Variants in RGS7 observed in about 807,000 individuals in gnomAD.
RGS7 encodes the protein regulator of G-protein signaling 7.
In RGS7, 27 loss-of-function variants were observed where a neutral mutation model predicts 81.1. The observed-to-expected ratio is 0.33, with a 90% CI of 0.25 to 0.46. RGS7 has a LOEUF of 0.46. Ranked by LOEUF, RGS7 falls within the 20% of genes least tolerant of loss-of-function variation. The pLI, the probability that RGS7 is intolerant of heterozygous loss-of-function variation, is 1.00. For synonymous variants in RGS7, 208 were observed against 207.7 expected, an observed-to-expected ratio of 1.00 and a Z score of -0.01; for missense variants, 396 against 607.4, an observed-to-expected ratio of 0.65 and a Z score of 3.66.
intron 2 of RGS7, among the ~76,000 whole-genome samples, chr1:241,104,932 T>C (rs993799290): frequency 3.3e-5 from 5 of 152,196 alleles, no homozygotes; most frequent in African/African-American, 4.8e-5. Context: ...TTAAGGCATA[T>C]GTTTGCATTT....
intron 2 of RGS7, among the ~76,000 whole-genome samples, chr1:241,249,332 T>C (rs900695295): frequency 6.6e-6 from 1 of 151,988 alleles, no homozygotes; most frequent in Non-Finnish European, 1.5e-5. Context: ...CATTTGACTA[T>C]ACCTAATTTA....
At chr1:240,902,453 C>G (rs1342080907) in intron 6 of RGS7, among the ~76,000 whole-genome samples, 1 of 152,016 alleles carries the variant, frequency 6.6e-6, no homozygotes, top group East Asian at 1.9e-4. Flanking sequence ...TTCTTTGCAC[C>G]TTTAACAGGG....
At chr1:241,044,110 T>C (rs1181774278) in intron 3 of RGS7, among the ~76,000 whole-genome samples, 2 of 126,314 alleles carry the variant, frequency 1.6e-5, no homozygotes, top group East Asian at 4.0e-4. Flanking sequence ...TTTGTTTTTT[T>C]TGTTTTTTTT....
intron 2 of RGS7, among the ~76,000 whole-genome samples, chr1:241,251,796 C>T (rs1292575803): frequency 6.6e-6 from 1 of 152,046 alleles, no homozygotes; most frequent in East Asian, 1.9e-4. Context: ...AGGTGTGAGC[C>T]ACCACGCCTG....
chr1:241,330,599 A>G (rs2081921743), intron 2 of RGS7, among the ~76,000 whole-genome samples: 1 of 152,202 alleles, frequency 6.6e-6, no homozygotes, highest in Non-Finnish European at 1.5e-5. Context: ...CATTAACAGA[A>G]TTAGAGTATC....
intron 6 of RGS7, among the ~76,000 whole-genome samples, chr1:240,894,389 T>G (rs1668714908): frequency 6.6e-6 from 1 of 152,172 alleles, no homozygotes; most frequent in African/African-American, 2.4e-5. Flanking sequence ...TACTGCTTGT[T>G]TCTTGTGCTC....
chr1:241,115,257 C>G (rs1457421116), intron 2 of RGS7, among the ~76,000 whole-genome samples: 11 of 152,184 alleles, frequency 7.2e-5, no homozygotes, highest in Non-Finnish European at 1.2e-4. Flanking sequence ...AAAACTAGAT[C>G]TGATCCTTGC....
chr1:241,057,383 T>C (rs997480369), intron 3 of RGS7, among the ~76,000 whole-genome samples: 2 of 152,234 alleles, frequency 1.3e-5, no homozygotes, highest in African/African-American at 2.4e-5. Context: ...ATTCCTGTTA[T>C]GTATTCAGAC....
intron 4 of RGS7, among the ~76,000 whole-genome samples, chr1:240,947,747 T>A (rs939829073): frequency 6.6e-6 from 1 of 152,242 alleles, no homozygotes; most frequent in African/African-American, 2.4e-5. Flanking sequence ...TTAGATCAAG[T>A]CGCTCCTGTG....
At chr1:241,074,202 CTTAG>C (rs1407338565) in intron 3 of RGS7, among the ~76,000 whole-genome samples, 1 of 152,154 alleles carries the variant, frequency 6.6e-6, no homozygotes, top group African/African-American at 2.4e-5. Context: ...CCTCCTGTCT[CTTAG>C]TTTGTTTTAA....
chr1:241,218,598 G>A (rs374429455), intron 2 of RGS7, among the ~76,000 whole-genome samples: 31 of 152,230 alleles, frequency 2.0e-4, no homozygotes, highest in Middle Eastern at 3.4e-3. Context: ...CTTCCCCTGG[G>A]TTTCTGACTC....
intron 4 of RGS7, among the ~76,000 whole-genome samples, chr1:240,947,552 C>A (rs1292924910): frequency 6.6e-6 from 1 of 152,138 alleles, no homozygotes; most frequent in African/African-American, 2.4e-5. Flanking sequence ...TCCAGAAGCA[C>A]CTTCTGATGA....
intron 3 of RGS7, among the ~76,000 whole-genome samples, chr1:241,070,206 G>A (rs2148864242): frequency 6.6e-6 from 1 of 152,156 alleles, no homozygotes; most frequent in South Asian, 2.1e-4. Context: ...GAGCAGCAGA[G>A]CTGGTTATTT....
chr1:241,301,461 A>T (rs917687199), intron 2 of RGS7, among the ~76,000 whole-genome samples: 8 of 152,240 alleles, frequency 5.3e-5, no homozygotes, highest in African/African-American at 1.9e-4. Context: ...TTTTCACAGC[A>T]TGTTACCCTG....
At chr1:241,058,739 G>T (rs142931673) in intron 3 of RGS7, among the ~76,000 whole-genome samples, 66 of 152,344 alleles carry the variant, frequency 4.3e-4, no homozygotes, top group Non-Finnish European at 7.3e-4. Context: ...GGCCTTGCAT[G>T]CAGTAGGCAT....
At chr1:241,152,658 C>T (rs373234803) in intron 2 of RGS7, among the ~76,000 whole-genome samples, 50 of 152,268 alleles carry the variant, frequency 3.3e-4, no homozygotes, top group African/African-American at 7.7e-4. Flanking sequence ...CCCCTGTGTT[C>T]AATGGAGCAA....
intron 6 of RGS7, among the ~76,000 whole-genome samples, chr1:240,910,620 T>G (rs1671590188): frequency 6.6e-6 from 1 of 152,160 alleles, no homozygotes; most frequent in African/African-American, 2.4e-5. Context: ...TAATAGTGTT[T>G]GAGATAATGA....
At chr1:240,776,642 G>A (rs868577587) in intron 18 of RGS7, among the ~76,000 whole-genome samples, 9 of 152,148 alleles carry the variant, frequency 5.9e-5, no homozygotes, top group African/African-American at 2.2e-4. Flanking sequence ...TTCAATGGCT[G>A]AAATTAATGT....
At position 241,048,377 on chromosome 1, in the gene RGS7, T is replaced by C. The variant is rs73125548; in HGVS notation, c.175+50289A>G. 3.2e-3 allele frequency among the ~76,000 whole-genome samples: 484 copies of C among 152,078 alleles called. 4 individuals carry two copies. Among genetic ancestry groups the C allele is most frequent in the African/African-American group, 0.011 (458 of 41,448 alleles). On this transcript the variant is annotated intron_variant, in intron 3 of 18. Transcript: ENST00000440928. ...AAAATAAATACTCTTTTATAAAGAG[T>C]GAAATGAATCTGTTTTCTTCATATC... is the stretch of plus-strand genomic sequence containing the variant.
Sources: gnomAD v4.1 joint callset for allele counts (sites outside exome capture counted in the v4.1 genomes callset) on GRCh38, gnomAD v4.1.1 for gene constraint, MANE v1.5 for transcripts, NCBI Gene and HGNC (gene_info 2026-07-23, HGNC 2026-07-21) for gene names.